HOOK1: variants seen among roughly 807,000 people sequenced by gnomAD.
The protein encoded by HOOK1 is hook microtubule tethering protein 1.
A neutral mutation model predicts 112.8 loss-of-function variants in HOOK1; 60 were observed. The observed-to-expected ratio is 0.53, with a 90% CI of 0.43 to 0.66. The LOEUF is 0.66. Ranked by LOEUF, HOOK1 falls within the 30% of genes least tolerant of loss-of-function variation. HOOK1 has a pLI of 0.00. For missense variants in HOOK1, 770 were observed against 856.0 expected (o/e 0.90, Z 1.25); for synonymous variants, 294 against 283.8 (o/e 1.04, Z -0.36).
chr1:59,825,372 T>A (rs142991099), intron 2 of HOOK1, among the ~76,000 whole-genome samples: 1 of 152,210 alleles, frequency 6.6e-6, no homozygotes, highest in African/African-American at 2.4e-5. Flanking sequence ...ACTAAACTTT[T>A]TTTTTGTAAG....
At chr1:59,862,175 G>A (rs2098413975) in intron 15 of HOOK1, among the ~76,000 whole-genome samples, 1 of 152,176 alleles carries the variant, frequency 6.6e-6, no homozygotes, top group Non-Finnish European at 1.5e-5. Context: ...AACTGCAACA[G>A]TGGAATATTA....
chr1:59,847,207 A>G (rs1174381740), intron 10 of HOOK1, 22 bp downstream of exon 10: 3 of 1,573,170 alleles, frequency 1.9e-6, no homozygotes, highest in South Asian at 1.2e-5. Context: ...CTTAAAAAAT[A>G]TAATTATGCC....
At chr1:59,861,993 T>C (rs1158819912) in intron 15 of HOOK1, among the ~76,000 whole-genome samples, 2 of 152,184 alleles carry the variant, frequency 1.3e-5, no homozygotes, top group Admixed American at 6.5e-5. Flanking sequence ...TTAAATATTA[T>C]CATCTTACTC....
In HOOK1 at chr1:59,874,802, C is replaced by G. The variant is rs1392144303; in HGVS notation, c.*1837C>G. 1 of 152,354 alleles carries G rather than the reference C, an allele frequency of 6.6e-6. No homozygotes were observed. The highest frequency in any genetic ancestry group is 2.4e-5 in the African/African-American group (1 of 41,380). The allele number at this position is 152,354 out of a possible 1,614,324, so 9.4% of individuals were successfully genotyped here. On this transcript the variant is annotated 3_prime_UTR_variant, in exon 22 of 22. Transcript: ENST00000371208. ...TTACAGTATTATTATTTTTTAGATA[C>G]CTGGTTTTTAGATTCTTGCCTGGTA...
In HOOK1 at chr1:59,849,161, A is replaced by G. The variant is rs758429032; in HGVS notation, c.1220A>G (p.Glu407Gly). The change falls in exon 12 of 22, where the codon GAA becomes GGA. Residue 407 changes from glutamate to glycine, a missense_variant. By Grantham distance (98) the Glu-to-Gly change is moderately conservative (BLOSUM62 -2). This residue lies in a region of HOOK1 where 655 missense variants were observed against 725.9 expected (regional missense o/e 0.90). Coordinates refer to ENST00000371208, the MANE Select transcript of HOOK1 (RefSeq NM_015888.6). ...FEMKRLEEKH[E>G]ALLKEKERLI... ...ATGAAGCGGCTTGAAGAAAAACATG[A>G]AGCTTTACTTAAGGAAAAAGAGGTA... is the stretch of plus-strand genomic sequence containing the variant. 6.2e-7 allele frequency: 1 copy of G among 1,607,234 alleles called. No homozygotes were observed. The highest frequency in any genetic ancestry group is 2.2e-5 in the East Asian group (1 of 44,704).
At chr1:59,830,181 TATAA>T (rs2098392732) in intron 3 of HOOK1, among the ~76,000 whole-genome samples, 1 of 152,122 alleles carries the variant, frequency 6.6e-6, no homozygotes, top group African/African-American at 2.4e-5. Context: ...ACAGTTGTTA[TATAA>T]ATATAGATTT....
intron 2 of HOOK1, among the ~76,000 whole-genome samples, chr1:59,823,048 C>T (rs114262933): frequency 0.019 from 2,858 of 152,282 alleles, 47 homozygotes; most frequent in Non-Finnish European, 0.03. Flanking sequence ...TGGCCGGGTG[C>T]GGTGGCTCAA....
At chr1:59,834,387 A>G (rs1559047813) in intron 5 of HOOK1, among the ~76,000 whole-genome samples, 1 of 152,218 alleles carries the variant, frequency 6.6e-6, no homozygotes, top group Non-Finnish European at 1.5e-5. Context: ...AATACATGAA[A>G]TTAATTGTAG....
At chr1:59,857,311 T>A (rs899027316) in intron 12 of HOOK1, among the ~76,000 whole-genome samples, 9 of 151,364 alleles carry the variant, frequency 5.9e-5, no homozygotes, top group Non-Finnish European at 1.2e-4. Context: ...ATTGAAAGGC[T>A]GCTTGTTTTC....
Position 59,872,978 on chromosome 1 carries a change from A to C in HOOK1, c.*13A>C, listed in dbSNP as rs1559065752. 8.3e-6 allele frequency: 12 copies of C among 1,437,326 alleles called. No individual in the cohort carries two copies. Among genetic ancestry groups the C allele is most frequent in the Non-Finnish European group, 1.0e-5 (11 of 1,081,780 alleles). The allele number at this position is 1,437,326 out of a possible 1,614,324, so 89.0% of individuals were successfully genotyped here. On this transcript the variant is annotated 3_prime_UTR_variant, in exon 22 of 22. Coordinates refer to ENST00000371208, the MANE Select transcript of HOOK1 (RefSeq NM_015888.6). ...AACATCTGATTAAACTGCAAAAAAA[A>C]CAAAACAAAACAAAAAAACCACATA...
chr1:59,860,162 A>T (rs1488435090), intron 14 of HOOK1, 26 bp from the exon 15 acceptor site: 4 of 1,538,716 alleles, frequency 2.6e-6, no homozygotes, highest in African/African-American at 1.4e-5. Context: ...TTAAAAATTA[A>T]AAAAGATTTT....
rs533444433 is a variant in HOOK1 at position 59,868,699 on chromosome 1, A to G, written c.1947+348A>G. Among the ~76,000 whole-genome samples the G allele has an allele frequency of 1.1e-3, 168 of 152,306 alleles. No homozygotes were observed. The Middle Eastern group carries it at 0.02, about 19-fold the overall frequency. ...GATATAAACCTGACCTTTACCGTTT[A>G]AAAAAGATACTGTGTTGATTCAGTC... On this transcript the variant is annotated intron_variant, in intron 20 of 21. Transcript: ENST00000371208.
In HOOK1 at chr1:59,828,853, G is replaced by T; in HGVS notation, c.222+1G>T. On this transcript the variant is annotated splice_donor_variant, in intron 3 of 21. Coordinates refer to ENST00000371208, the MANE Select transcript of HOOK1 (RefSeq NM_015888.6). LOFTEE classifies it high-confidence loss of function. ...TGTTGGGGACAACTGGAGAATAAAG[G>T]TATGCAGAACAAATGGGAGAAGCAC... 6.2e-7 allele frequency: 1 copy of T among 1,611,110 alleles called. No individual in the cohort carries two copies. Among genetic ancestry groups the T allele is most frequent in the Non-Finnish European group, 8.5e-7 (1 of 1,177,970 alleles).
intron 10 of HOOK1, 44 bp downstream of exon 10, chr1:59,847,229 AT>A: frequency 1.4e-6 from 2 of 1,480,662 alleles, no homozygotes; most frequent in Non-Finnish European, 9.2e-7. Flanking sequence ...TTTCTGAGCT[AT>A]TTAGTCAATT....
intron 9 of HOOK1, among the ~76,000 whole-genome samples, 194 bp downstream of exon 9, chr1:59,843,792 C>T (rs1181878777): frequency 2.6e-5 from 4 of 151,890 alleles, no homozygotes; most frequent in South Asian, 4.2e-4. Context: ...GTGGGAGATA[C>T]ACATAAAAAC....
chr1:59,836,970 G>A (rs771769427), intron 7 of HOOK1, 35 bp downstream of exon 7: 4 of 1,344,364 alleles, frequency 3.0e-6, no homozygotes, highest in Admixed American at 1.7e-5. Flanking sequence ...AATGTTGAAA[G>A]CAATGTTAGG....
chr1:59,836,956 G>A, intron 7 of HOOK1, 21 bp downstream of exon 7: 1 of 1,487,530 alleles, frequency 6.7e-7, no homozygotes, highest in Non-Finnish European at 9.3e-7. Flanking sequence ...TAGTATGGAA[G>A]AAAAATGTTG....
At chr1:59,822,139 A>G (rs2098386123) in intron 2 of HOOK1, among the ~76,000 whole-genome samples, 196 bp downstream of exon 2, 1 of 152,222 alleles carries the variant, frequency 6.6e-6, no homozygotes, top group African/African-American at 2.4e-5. Flanking sequence ...TTGTTCATAG[A>G]GATACATCTT....
chr1:59,815,211 G>C (rs1374680715), intron 1 of HOOK1, 31 bp downstream of exon 1: 1 of 1,537,186 alleles, frequency 6.5e-7, no homozygotes, highest in Non-Finnish European at 8.7e-7. Context: ...GGGCGAGGGG[G>C]CCAGGGGGCC....
Sources: gnomAD v4.1 joint callset for allele counts (sites outside exome capture counted in the v4.1 genomes callset) on GRCh38, gnomAD v4.1.1 for gene constraint, gnomAD v4.1.1 regional missense constraint, MANE v1.5 for transcripts, NCBI Gene and HGNC (gene_info 2026-07-23, HGNC 2026-07-21) for gene names.